Variants in CDC42SE2 observed in about 807,000 individuals in gnomAD.
The protein encoded by CDC42SE2 is CDC42 small effector 2.
In CDC42SE2, 3 loss-of-function variants were observed where a neutral mutation model predicts 11.5. The observed-to-expected ratio is 0.26, with a 90% CI of 0.12 to 0.67. The LOEUF is 0.67. CDC42SE2 is among the 30% of genes least tolerant of loss of function. The pLI, the probability that CDC42SE2 is intolerant of heterozygous loss-of-function variation, is 0.80. For missense variants in CDC42SE2, 82 were observed against 106.8 expected, an observed-to-expected ratio of 0.77 and a Z score of 1.02; for synonymous variants, 33 against 34.8, an observed-to-expected ratio of 0.95 and a Z score of 0.18.
the CDC42SE2 span, among the ~76,000 whole-genome samples, chr5:131,221,010 A>G: frequency 1.3e-5 from 2 of 150,924 alleles, no homozygotes; most frequent in African/African-American, 4.9e-5. Flanking sequence ...TCAGCCTCTC[A>G]AGTAGCTGGG....
chr5:131,297,547 G>A (rs1248421084), intron 1 of CDC42SE2, among the ~76,000 whole-genome samples: 2 of 151,820 alleles, frequency 1.3e-5, no homozygotes, highest in Admixed American at 6.6e-5. Flanking sequence ...ATGAAACCTC[G>A]TCTCTACTAA....
At chr5:131,216,699 C>A in the CDC42SE2 span, among the ~76,000 whole-genome samples, 1 of 152,030 alleles carries the variant, frequency 6.6e-6, no homozygotes, top group Admixed American at 6.6e-5. Context: ...ATCCTGGGTG[C>A]AAACATCCCT....
the CDC42SE2 span, among the ~76,000 whole-genome samples, chr5:131,227,879 T>C: frequency 2.6e-5 from 4 of 152,128 alleles, no homozygotes; most frequent in Admixed American, 2.6e-4. Context: ...ATCCTGTCTC[T>C]ACAAAAAAAT....
At chr5:131,318,267 A>T (rs952298981) in intron 2 of CDC42SE2, among the ~76,000 whole-genome samples, 1 of 152,152 alleles carries the variant, frequency 6.6e-6, no homozygotes, top group Non-Finnish European at 1.5e-5. Context: ...GAAGATAGAG[A>T]AAGTTGTATG....
intron 1 of CDC42SE2, among the ~76,000 whole-genome samples, chr5:131,294,288 A>G (rs1346305482): frequency 6.6e-6 from 1 of 152,320 alleles, no homozygotes; most frequent in Admixed American, 6.5e-5. Context: ...ATTTTATTTG[A>G]CATAATATAG....
At chr5:131,222,991 C>A in the CDC42SE2 span, among the ~76,000 whole-genome samples, 5 of 152,304 alleles carry the variant, frequency 3.3e-5, no homozygotes, top group Non-Finnish European at 7.4e-5. Flanking sequence ...GGCTTCTTAG[C>A]TAATGTAATT....
the CDC42SE2 span, among the ~76,000 whole-genome samples, chr5:131,211,281 A>G: frequency 6.6e-6 from 1 of 152,124 alleles, no homozygotes; most frequent in Admixed American, 6.5e-5. Flanking sequence ...TATCCACCCC[A>G]TGTATTTCTC....
chr5:131,237,988 G>A, the CDC42SE2 span, among the ~76,000 whole-genome samples: 4 of 151,186 alleles, frequency 2.6e-5, no homozygotes, highest in African/African-American at 9.8e-5. Flanking sequence ...CAGCCATTAT[G>A]TTTTATATAT....
chr5:131,331,115 T>G (rs1758412189), intron 2 of CDC42SE2, among the ~76,000 whole-genome samples: 1 of 152,168 alleles, frequency 6.6e-6, no homozygotes, highest in South Asian at 2.1e-4. Context: ...TTGGTATAAT[T>G]CTCATAAATG....
chr5:131,234,336 AATAC>A, the CDC42SE2 span, among the ~76,000 whole-genome samples: 1 of 152,094 alleles, frequency 6.6e-6, no homozygotes, highest in Non-Finnish European at 1.5e-5. Context: ...TAGATAGATA[AATAC>A]ATAGATAGAT....
At chr5:131,368,799 A>AT (rs1749934321) in intron 3 of CDC42SE2, among the ~76,000 whole-genome samples, 1 of 152,308 alleles carries the variant, frequency 6.6e-6, no homozygotes, top group Admixed American at 6.5e-5. Context: ...AATCTGAGAC[A>AT]TTATATCATT....
intron 3 of CDC42SE2, among the ~76,000 whole-genome samples, chr5:131,381,036 C>CT (rs540088742): frequency 2.1e-4 from 32 of 152,332 alleles, no homozygotes; most frequent in Middle Eastern, 3.4e-3. Flanking sequence ...CCTCTTGACA[C>CT]TTGTACACAC....
At chr5:131,347,857 A>G (rs1032011473) in intron 2 of CDC42SE2, among the ~76,000 whole-genome samples, 1 of 152,240 alleles carries the variant, frequency 6.6e-6, no homozygotes, top group Non-Finnish European at 1.5e-5. Context: ...ATGCAAATCA[A>G]TAAACGTAAT....
intron 1 of CDC42SE2, among the ~76,000 whole-genome samples, chr5:131,249,112 G>A (rs34237476): frequency 0.12 from 18,118 of 150,386 alleles, 1,498 homozygotes; most frequent in Non-Finnish European, 0.19. Context: ...CTGCCTCCTG[G>A]GTTCAAGTGA....
intron 1 of CDC42SE2, among the ~76,000 whole-genome samples, chr5:131,266,603 A>G (rs1756871787): frequency 6.6e-6 from 1 of 151,494 alleles, no homozygotes; most frequent in Non-Finnish European, 1.5e-5. Context: ...GGGATTACAG[A>G]CATGCGCCAC....
chr5:131,345,832 G>A (rs1758828708), intron 2 of CDC42SE2, among the ~76,000 whole-genome samples: 1 of 152,166 alleles, frequency 6.6e-6, no homozygotes, highest in Non-Finnish European at 1.5e-5. Flanking sequence ...AGAAGAGAGT[G>A]GGGGCCAATA....
intron 2 of CDC42SE2, among the ~76,000 whole-genome samples, chr5:131,321,936 C>T (rs893945802): frequency 2.0e-5 from 3 of 152,160 alleles, no homozygotes; most frequent in Non-Finnish European, 1.5e-5. Context: ...CTGCAAGCTC[C>T]GCCTCCCGGG....
At chr5:131,325,086 C>T (rs908922028) in intron 2 of CDC42SE2, among the ~76,000 whole-genome samples, 7 of 152,112 alleles carry the variant, frequency 4.6e-5, no homozygotes, top group South Asian at 2.1e-4. Flanking sequence ...CTGGTTGTTA[C>T]GTGTTTAGGT....
chr5:131,350,770 A>G (rs1758989082), intron 2 of CDC42SE2, among the ~76,000 whole-genome samples: 1 of 152,082 alleles, frequency 6.6e-6, no homozygotes, highest in Admixed American at 6.6e-5. Flanking sequence ...ATATGTATGA[A>G]AATGCAAAGG....
Sources: allele counts gnomAD v4.1 joint callset (sites outside exome capture counted in the v4.1 genomes callset), GRCh38; gene constraint gnomAD v4.1.1; transcripts MANE v1.5; gene names NCBI Gene and HGNC (gene_info 2026-07-23, HGNC 2026-07-21).